NCAM1: variants seen among roughly 807,000 people sequenced by gnomAD.
NCAM1 encodes the protein neural cell adhesion molecule 1, also known as antigen recognized by monoclonal antibody 5.1H11.
In NCAM1, 14 loss-of-function variants were observed where a neutral mutation model predicts 109.8. That is an observed-to-expected ratio of 0.13 (90% CI 0.08 to 0.20). NCAM1 has a LOEUF of 0.20. NCAM1 is among the 10% of genes least tolerant of loss of function. The pLI is 1.00. For missense variants in NCAM1, 774 were observed against 1,109.9 expected, an observed-to-expected ratio of 0.70 and a Z score of 4.30; for synonymous variants, 418 against 442.9, an observed-to-expected ratio of 0.94 and a Z score of 0.70.
At chr11:113,232,418 A>T (rs1945039976) in intron 11 of NCAM1, 64 bp downstream of exon 11, 3 of 1,475,038 alleles carry the variant, frequency 2.0e-6, no homozygotes, top group Non-Finnish European at 2.8e-6. Flanking sequence ...TGGGCTCCAA[A>T]ATGCAGCTCA....
intron 14 of NCAM1, chr11:113,240,879 C>T (rs781967175): frequency 1.3e-6 from 2 of 1,567,848 alleles, no homozygotes; most frequent in South Asian, 1.1e-5. Flanking sequence ...TCACTTTCCA[C>T]CAGCCACAGT....
At chr11:113,192,167 T>A (rs572792440) in intron 1 of NCAM1, among the ~76,000 whole-genome samples, 1 of 152,332 alleles carries the variant, frequency 6.6e-6, no homozygotes, top group African/African-American at 2.4e-5. Flanking sequence ...ACGAGTCATT[T>A]TGTCAAGGTT....
At chr11:113,268,074 T>G (rs1218088852) in intron 17 of NCAM1, among the ~76,000 whole-genome samples, 1 of 152,186 alleles carries the variant, frequency 6.6e-6, no homozygotes, top group African/African-American at 2.4e-5. Flanking sequence ...CCTGGAGCCC[T>G]GTGTCATGGA....
At chr11:113,212,439 T>G (rs1273552728) in intron 7 of NCAM1, among the ~76,000 whole-genome samples, 1 of 152,162 alleles carries the variant, frequency 6.6e-6, no homozygotes, top group Non-Finnish European at 1.5e-5. Context: ...CAAATATTAA[T>G]AGATGGCAAC....
chr11:113,221,267 T>C (rs1555115243), intron 8 of NCAM1, 29 bp from the exon 9 acceptor site: 1 of 1,554,512 alleles, frequency 6.4e-7, no homozygotes, highest in Admixed American at 2.0e-5. Context: ...ACTGCTTTCT[T>C]GTTGTGTTTT....
At chr11:113,141,447 C>T (rs1442784470) in intron 1 of NCAM1, among the ~76,000 whole-genome samples, 3 of 152,080 alleles carry the variant, frequency 2.0e-5, no homozygotes, top group Non-Finnish European at 2.9e-5. Flanking sequence ...CTGGCTAACA[C>T]GGTGAAACCC....
intron 1 of NCAM1, among the ~76,000 whole-genome samples, chr11:113,077,425 A>C: frequency 6.6e-6 from 1 of 152,198 alleles, no homozygotes; most frequent in Admixed American, 6.5e-5. Flanking sequence ...GTTTAACTTA[A>C]CTGTATACGC....
At chr11:113,089,402 A>T (rs1165360329) in intron 1 of NCAM1, among the ~76,000 whole-genome samples, 1 of 152,064 alleles carries the variant, frequency 6.6e-6, no homozygotes, top group Non-Finnish European at 1.5e-5. Flanking sequence ...CAGAGCATAA[A>T]AGCTATTAAT....
At chr11:113,188,435 C>T (rs1943577840) in intron 1 of NCAM1, among the ~76,000 whole-genome samples, 1 of 152,188 alleles carries the variant, frequency 6.6e-6, no homozygotes, top group Admixed American at 6.5e-5. Flanking sequence ...TAGAGCCATT[C>T]AGCATGGAGT....
chr11:113,049,744 C>T (rs1953398033), intron 1 of NCAM1, among the ~76,000 whole-genome samples: 1 of 152,132 alleles, frequency 6.6e-6, no homozygotes, highest in South Asian at 2.1e-4. Context: ...CAACCTTGTG[C>T]CAATGTTCTC....
rs1950642648 is a variant in NCAM1 at position 112,963,808 on chromosome 11, T to G, written c.52+2144T>G. Among the ~76,000 whole-genome samples, 1 of 152,164 alleles carries G rather than the reference T, an allele frequency of 6.6e-6. No individual in the cohort carries two copies. Among genetic ancestry groups the G allele is most frequent in the Non-Finnish European group, 1.5e-5 (1 of 68,030 alleles). ...ATCAGTATTTGGATCCCGTGGAAGT[T>G]GCAGGCCCAGGAATTCCCACTGGGA... On this transcript the variant is annotated intron_variant, in intron 1 of 19. Coordinates refer to ENST00000316851, the MANE Select transcript of NCAM1 (RefSeq NM_181351.5). The surrounding 1 kb of genome is among the most constrained non-coding windows in gnomAD (Gnocchi z 4.6).
At chr11:113,199,484 G>T (rs533801381) in intron 1 of NCAM1, among the ~76,000 whole-genome samples, 1 of 152,178 alleles carries the variant, frequency 6.6e-6, no homozygotes, top group South Asian at 2.1e-4. Context: ...AGAACCTGGG[G>T]TTCCTCTGGG....
At chr11:113,144,029 T>C (rs1333744776) in intron 1 of NCAM1, among the ~76,000 whole-genome samples, 5 of 152,250 alleles carry the variant, frequency 3.3e-5, no homozygotes, top group African/African-American at 1.2e-4. Context: ...GGGATCAATA[T>C]GACTTAGCAT....
At chr11:113,066,298 A>G (rs1555084224) in intron 1 of NCAM1, among the ~76,000 whole-genome samples, 1 of 152,180 alleles carries the variant, frequency 6.6e-6, no homozygotes, top group African/African-American at 2.4e-5. Flanking sequence ...AAGATTGTTT[A>G]TGTACAGAAA....
At chr11:112,970,476 C>T (rs1950848703) in intron 1 of NCAM1, among the ~76,000 whole-genome samples, 1 of 152,106 alleles carries the variant, frequency 6.6e-6, no homozygotes, top group Non-Finnish European at 1.5e-5. Flanking sequence ...AAGTATCTTG[C>T]TTAATCAGTA....
chr11:113,256,473 G>A (rs183900867), intron 16 of NCAM1, among the ~76,000 whole-genome samples: 35 of 152,280 alleles, frequency 2.3e-4, no homozygotes, highest in Middle Eastern at 6.8e-3. Flanking sequence ...GTAAGTGGGT[G>A]TACAGCAGTC....
At chr11:112,999,400 G>A (rs1951685948) in intron 1 of NCAM1, among the ~76,000 whole-genome samples, 4 of 151,952 alleles carry the variant, frequency 2.6e-5, no homozygotes, top group Admixed American at 2.6e-4. Context: ...GATGGTTCAT[G>A]TTTTCTGGAA....
chr11:113,256,012 T>C lies in NCAM1; in HGVS notation c.1953+11T>C. The stretch of plus-strand genomic sequence containing the variant: ...GTCAGGTACCGAGCGGTGAGTGGCC[T>C]CCTTCTCAGACTTCACCAGAACCCT... On this transcript the variant is annotated intron_variant, in intron 16 of 19. Transcript: ENST00000316851. 1.3e-6 allele frequency: 2 copies of C among 1,592,426 alleles called. No homozygotes were observed. Among genetic ancestry groups the C allele is most frequent in the Non-Finnish European group, 1.7e-6 (2 of 1,169,416 alleles).
chr11:113,188,147 G>GGA (rs1555109198), intron 1 of NCAM1, among the ~76,000 whole-genome samples: 1 of 152,126 alleles, frequency 6.6e-6, no homozygotes, highest in Admixed American at 6.5e-5. Flanking sequence ...GAGGGTGTGA[G>GGA]GAGAGAGAGA....
Sources: gnomAD v4.1 joint callset for allele counts (sites outside exome capture counted in the v4.1 genomes callset) on GRCh38, gnomAD v4.1.1 for gene constraint, Gnocchi (gnomAD v3.1) non-coding constraint, MANE v1.5 for transcripts, NCBI Gene and HGNC (gene_info 2026-07-23, HGNC 2026-07-21) for gene names.